C11orf65: variants seen among roughly 807,000 people sequenced by gnomAD.
C11orf65 encodes the protein protein MFI.
A neutral mutation model predicts 35.3 loss-of-function variants in C11orf65; 38 were observed. The ratio of observed to expected loss-of-function variants is 1.08; its 90% CI spans 0.83 to 1.41. The LOEUF is 1.41. C11orf65 is among the 40% of genes most tolerant of loss of function. The probability of loss-of-function intolerance (pLI) is 0.00; values close to 1 mark genes in which losing one functional copy is unlikely to be tolerated. For missense variants in C11orf65, 370 were observed against 367.1 expected, an observed-to-expected ratio of 1.01 and a Z score of -0.06; for synonymous variants, 105 against 114.4, an observed-to-expected ratio of 0.92 and a Z score of 0.53.
intron 2 of C11orf65, among the ~76,000 whole-genome samples, chr11:108,448,690 C>A (rs977210109): frequency 6.6e-6 from 1 of 152,122 alleles, no homozygotes; most frequent in Non-Finnish European, 1.5e-5. Flanking sequence ...ACTGAATGGG[C>A]AAAAACTGGA....
intron 1 of C11orf65, 35 bp downstream of exon 1, chr11:108,467,436 G>A (rs1231807998): frequency 6.6e-6 from 1 of 152,298 alleles, no homozygotes; most frequent in Non-Finnish European, 1.5e-5. Context: ...ACAGTAGTAC[G>A]CGCTGAGAGA....
upstream of C11orf65, among the ~76,000 whole-genome samples, chr11:108,467,697 C>T (rs2093557137): frequency 6.6e-6 from 1 of 152,116 alleles, no homozygotes; most frequent in Non-Finnish European, 1.5e-5. Context: ...GGCTTTGAGG[C>T]AAAGGATTTT....
chr11:108,408,702 A>ATAAAATAAAAAAT (rs2092597515), intron 3 of C11orf65, among the ~76,000 whole-genome samples: 2 of 125,824 alleles, frequency 1.6e-5, no homozygotes, highest in Non-Finnish European at 3.3e-5. Context: ...ATAAAATAAA[A>ATAAAATAAAAAAT]TAAAATAAAA....
At chr11:108,413,908 A>G (rs2092693599) in intron 3 of C11orf65, among the ~76,000 whole-genome samples, 1 of 152,170 alleles carries the variant, frequency 6.6e-6, no homozygotes, top group Admixed American at 6.5e-5. Context: ...TGAGGGATTC[A>G]GCAAAAACAG....
At chr11:108,381,557 A>C (rs570026269), downstream of C11orf65, among the ~76,000 whole-genome samples, 19 of 152,284 alleles carry the variant, frequency 1.2e-4, no homozygotes, top group South Asian at 3.3e-3. Context: ...CATTCTTAAC[A>C]CAAAAGTTTT....
chr11:108,376,762 A>G (rs2091737676), intron 2 of C11orf65, among the ~76,000 whole-genome samples: 1 of 152,190 alleles, frequency 6.6e-6, no homozygotes, highest in Non-Finnish European at 1.5e-5. Context: ...AGGAGAGAAG[A>G]ATCAAATAGA....
At chr11:108,428,323 A>G (rs2135395260) in intron 3 of C11orf65, among the ~76,000 whole-genome samples, 1 of 152,328 alleles carries the variant, frequency 6.6e-6, no homozygotes, top group African/African-American at 2.4e-5. Context: ...ATATACCAAA[A>G]GGATTATAAA....
At position 108,334,990 on chromosome 11, in the gene C11orf65, G is replaced by A. The variant is rs766730487; in HGVS notation, c.299+230C>T. The A allele has an allele frequency of 5.0e-6, 8 of 1,613,508 alleles. No homozygotes were observed. The highest frequency in any genetic ancestry group is 6.8e-6 in the Non-Finnish European group (8 of 1,179,492). On this transcript the variant is annotated intron_variant, in intron 3 of 3. Coordinates refer to the C11orf65 transcript ENST00000524755. ...TTAGGTGGACCACACAGGAGAATAT[G>A]GAAATCTGGTGACTATACAGTCATT...
intron 3 of C11orf65, among the ~76,000 whole-genome samples, chr11:108,429,076 G>A (rs111798378): frequency 3.6e-4 from 55 of 152,306 alleles, no homozygotes; most frequent in African/African-American, 1.3e-3. Flanking sequence ...GGGCCCAGGA[G>A]GTTGAGGCTG....
At chr11:108,375,694 T>C (rs1344426967) in intron 2 of C11orf65, among the ~76,000 whole-genome samples, 5 of 152,052 alleles carry the variant, frequency 3.3e-5, no homozygotes, top group African/African-American at 1.2e-4. Flanking sequence ...GACTGGCAAA[T>C]TGGATAAAGA....
intron 3 of C11orf65, among the ~76,000 whole-genome samples, chr11:108,414,994 A>G (rs2092709832): frequency 6.6e-6 from 1 of 152,162 alleles, no homozygotes; most frequent in Non-Finnish European, 1.5e-5. Context: ...ATTCATGATA[A>G]CAACTTTGGC....
At chr11:108,369,681 T>G (rs1481175432) in intron 2 of C11orf65, among the ~76,000 whole-genome samples, 1 of 152,146 alleles carries the variant, frequency 6.6e-6, no homozygotes, top group Non-Finnish European at 1.5e-5. Context: ...GCATACACAG[T>G]TTTATGTACA....
rs227075 is a variant in C11orf65 at position 108,347,469 on chromosome 11, T to C, written c.227-12177A>G. 0.59 allele frequency: 582,279 copies of C among 983,180 alleles called. 174,588 individuals carry two copies. The highest frequency in any genetic ancestry group is 0.75 in the Middle Eastern group (2,311 of 3,068). 60.9% of individuals were successfully genotyped at this position (983,180 alleles called of 1,614,324 possible). A position where few individuals can be genotyped will look rare whatever the true frequency, so the allele number is the denominator to read the frequency against. On this transcript the variant is annotated intron_variant, in intron 2 of 3. Transcript: ENST00000524755. ...TTACAAATATAAGAGACAGATAAAT[T>C]GAAGCAGTAAATATTGGGTTTTTTT...
intron 2 of C11orf65, among the ~76,000 whole-genome samples, chr11:108,350,869 T>A (rs183169453): frequency 0.024 from 3,670 of 152,272 alleles, 110 homozygotes; most frequent in African/African-American, 0.077. Context: ...CCCTTTGGAA[T>A]ATTGTTTGGC....
At chr11:108,421,687 CA>C (rs1249793205) in intron 3 of C11orf65, among the ~76,000 whole-genome samples, 2 of 152,214 alleles carry the variant, frequency 1.3e-5, no homozygotes, top group East Asian at 3.9e-4. Context: ...CACACTCAAA[CA>C]TAACCACAAT....
chr11:108,338,893 G>C (rs543174283), intron 2 of C11orf65, among the ~76,000 whole-genome samples: 1 of 152,164 alleles, frequency 6.6e-6, no homozygotes, highest in African/African-American at 2.4e-5. Flanking sequence ...CTACAGCGAA[G>C]TAGTCTACCC....
At chr11:108,427,963 TG>T (rs1460590696) in intron 3 of C11orf65, among the ~76,000 whole-genome samples, 1 of 137,960 alleles carries the variant, frequency 7.2e-6, no homozygotes, top group African/African-American at 2.7e-5. Context: ...CCCAAGTAGC[TG>T]GGACTACAGG....
At chr11:108,377,474 C>T (rs1182950345) in intron 2 of C11orf65, among the ~76,000 whole-genome samples, 19 of 152,064 alleles carry the variant, frequency 1.2e-4, no homozygotes, top group Admixed American at 5.9e-4. Flanking sequence ...ATTGATGGGA[C>T]GTATCTCAAA....
At chr11:108,328,063 G>T (rs1468774503), downstream of C11orf65, among the ~76,000 whole-genome samples, 1 of 152,106 alleles carries the variant, frequency 6.6e-6, no homozygotes, top group Non-Finnish European at 1.5e-5. Context: ...AAAAATAACT[G>T]ATTAAGAATA....
Sources: gnomAD v4.1 joint callset for allele counts (sites outside exome capture counted in the v4.1 genomes callset) on GRCh38, gnomAD v4.1.1 for gene constraint, MANE v1.5 for transcripts, NCBI Gene and HGNC (gene_info 2026-07-23, HGNC 2026-07-21) for gene names.